Variants in ASCC3 observed in about 807,000 individuals in gnomAD.
ASCC3 encodes ASC-1 complex subunit P200.
In ASCC3, 158 loss-of-function variants were observed where a neutral mutation model predicts 256.3. That is an observed-to-expected ratio of 0.62 (90% CI 0.54 to 0.70). The LOEUF (loss-of-function observed/expected upper bound fraction) is 0.70, where lower values mean the gene tolerates loss of function less well. Ranked by LOEUF, ASCC3 falls within the 30% of genes least tolerant of loss-of-function variation. The pLI is 0.00. For missense variants in ASCC3, 2,259 were observed against 2,626.0 expected, an observed-to-expected ratio of 0.86 and a Z score of 3.05; for synonymous variants, 948 against 883.4, an observed-to-expected ratio of 1.07 and a Z score of -1.30.
intron 8 of ASCC3, among the ~76,000 whole-genome samples, chr6:100,777,760 T>C (rs1782259271): frequency 6.6e-6 from 1 of 151,912 alleles, no homozygotes; most frequent in Non-Finnish European, 1.5e-5. Flanking sequence ...GAGATTAGAG[T>C]GGCTGAGTAA....
chr6:100,750,165 C>T (rs1780872621), intron 10 of ASCC3, among the ~76,000 whole-genome samples: 1 of 151,864 alleles, frequency 6.6e-6, no homozygotes, highest in South Asian at 2.1e-4. Context: ...AAAAAATTGC[C>T]CCAAACTATC....
At chr6:100,578,825 C>T (rs1771026345) in intron 36 of ASCC3, among the ~76,000 whole-genome samples, 1 of 152,016 alleles carries the variant, frequency 6.6e-6, no homozygotes, top group Non-Finnish European at 1.5e-5. Context: ...GTTTTAAGTT[C>T]TTTGAGAAAT....
chr6:100,636,429 C>T (rs1774846647), intron 25 of ASCC3, among the ~76,000 whole-genome samples: 2 of 152,140 alleles, frequency 1.3e-5, no homozygotes, highest in Admixed American at 1.3e-4. Flanking sequence ...AGCCATTCCC[C>T]CATCTCTTTC....
At chr6:100,775,824 C>G (rs1782159358) in intron 8 of ASCC3, among the ~76,000 whole-genome samples, 1 of 150,906 alleles carries the variant, frequency 6.6e-6, no homozygotes, top group Non-Finnish European at 1.5e-5. Flanking sequence ...AAGGAATGTG[C>G]TCAGACAGCA....
At chr6:100,691,092 A>AT (rs1484882776) in intron 13 of ASCC3, among the ~76,000 whole-genome samples, 1 of 152,140 alleles carries the variant, frequency 6.6e-6, no homozygotes, top group Non-Finnish European at 1.5e-5. Flanking sequence ...AAAAAGTATA[A>AT]TTTAAAAAAC....
intron 18 of ASCC3, 131 bp downstream of exon 18, chr6:100,652,594 A>G: frequency 9.4e-6 from 9 of 954,298 alleles, no homozygotes; most frequent in Non-Finnish European, 1.4e-5. Flanking sequence ...CTGAGGGTAT[A>G]CTGTTGAATT....
At chr6:100,784,612 T>C (rs1477829205) in intron 8 of ASCC3, among the ~76,000 whole-genome samples, 2 of 152,004 alleles carry the variant, frequency 1.3e-5, no homozygotes, top group Non-Finnish European at 2.9e-5. Flanking sequence ...AGAAAAAAAG[T>C]ATGCCACAAA....
intron 25 of ASCC3, among the ~76,000 whole-genome samples, chr6:100,632,144 A>G (rs1774580772): frequency 6.6e-6 from 1 of 150,692 alleles, no homozygotes; most frequent in Admixed American, 6.6e-5. Context: ...AAGTCAACAT[A>G]TATAAACCAG....
intron 36 of ASCC3, among the ~76,000 whole-genome samples, chr6:100,577,925 A>T (rs1468066618): frequency 6.6e-6 from 1 of 152,120 alleles, no homozygotes; most frequent in Non-Finnish European, 1.5e-5. Flanking sequence ...GTATGAAAAA[A>T]TGGAGAGTAA....
chr6:100,544,932 T>TTTAAC (rs1342432224), intron 36 of ASCC3, among the ~76,000 whole-genome samples: 1 of 152,160 alleles, frequency 6.6e-6, no homozygotes, highest in East Asian at 1.9e-4. Flanking sequence ...AATTTAACAA[T>TTTAAC]ATATAAACAG....
intron 11 of ASCC3, among the ~76,000 whole-genome samples, chr6:100,720,157 T>C (rs1483476838): frequency 6.6e-6 from 1 of 152,010 alleles, no homozygotes; most frequent in Non-Finnish European, 1.5e-5. Context: ...CTATGAGCAC[T>C]GTACTAATAC....
chr6:100,628,310 G>A (rs922554609), intron 27 of ASCC3, among the ~76,000 whole-genome samples: 2 of 152,144 alleles, frequency 1.3e-5, no homozygotes, highest in African/African-American at 4.8e-5. Context: ...CAGTTGGACA[G>A]GAGAAATAAG....
At chr6:100,540,727 T>C (rs771627375) in intron 36 of ASCC3, among the ~76,000 whole-genome samples, 1 of 152,124 alleles carries the variant, frequency 6.6e-6, no homozygotes, top group Non-Finnish European at 1.5e-5. Flanking sequence ...GTAATAAATG[T>C]TACGATATGG....
chr6:100,840,040 T>C (rs1772061760), intron 4 of ASCC3, among the ~76,000 whole-genome samples: 2 of 152,214 alleles, frequency 1.3e-5, no homozygotes, highest in Admixed American at 6.5e-5. Context: ...TCTTGAGTTT[T>C]CCTCATGAAA....
At chr6:100,670,585 T>A in intron 14 of ASCC3, among the ~76,000 whole-genome samples, 1 of 126,832 alleles carries the variant, frequency 7.9e-6, no homozygotes, top group African/African-American at 2.9e-5. Context: ...CAAATTCTTT[T>A]AATCTGCAGA....
intron 10 of ASCC3, among the ~76,000 whole-genome samples, chr6:100,745,475 A>T (rs1448918511): frequency 1.4e-5 from 2 of 145,804 alleles, no homozygotes; most frequent in African/African-American, 5.1e-5. Context: ...TGACAGAGTG[A>T]GACTTGGTCT....
At chr6:100,835,072 A>C (rs1266642683) in intron 4 of ASCC3, among the ~76,000 whole-genome samples, 1 of 151,724 alleles carries the variant, frequency 6.6e-6, no homozygotes, top group African/African-American at 2.4e-5. Flanking sequence ...CTACCCAATA[A>C]GCCTTCGAGG....
intron 36 of ASCC3, among the ~76,000 whole-genome samples, chr6:100,545,343 A>C (rs1055052286): frequency 1.3e-5 from 2 of 152,058 alleles, no homozygotes; most frequent in East Asian, 3.9e-4. Context: ...ACACCTGGCT[A>C]ATTTTTTCAT....
chr6:100,635,618 G>A (rs1774804231), intron 25 of ASCC3, among the ~76,000 whole-genome samples: 1 of 152,132 alleles, frequency 6.6e-6, no homozygotes, highest in Non-Finnish European at 1.5e-5. Context: ...ACTATTTGAA[G>A]TGATAGGTAT....
Sources: allele counts gnomAD v4.1 joint callset (sites outside exome capture counted in the v4.1 genomes callset), GRCh38; gene constraint gnomAD v4.1.1; transcripts MANE v1.5; gene names NCBI Gene and HGNC (gene_info 2026-07-23, HGNC 2026-07-21).